Variants in NAV3 observed in about 807,000 individuals in gnomAD.
NAV3 encodes pore membrane and/or filament interacting like protein 1.
NAV3 carries 87 observed loss-of-function variants against 244.7 expected under a neutral mutation model. The observed-to-expected ratio is 0.36, with a 90% CI of 0.30 to 0.42. The LOEUF is 0.42. Among genes scored for constraint, NAV3 ranks in the 20% least tolerant of loss-of-function variants. The pLI is 1.00. For synonymous variants in NAV3, 1,126 were observed against 1,042.2 expected (o/e 1.08, Z -1.55); for missense variants, 2,663 against 2,893.3 (o/e 0.92, Z 1.83).
chr12:78,086,123 T>C lies in NAV3; in HGVS notation c.2636+27008T>C, dbSNP rs147273477. Among the ~76,000 whole-genome samples, 121 of 152,164 alleles carry C rather than the reference T, an allele frequency of 8.0e-4. No homozygotes were observed. The Middle Eastern group carries it at 0.017, about 21-fold the overall frequency. On this transcript the variant is annotated intron_variant, in intron 12 of 39. Coordinates refer to ENST00000397909, the MANE Select transcript of NAV3 (RefSeq NM_001024383.2). ...AACACTGGCGTTTACCCGTGCAGGA[T>C]TGTTGAGAGGATTAAATTAGATTAT...
At chr12:77,654,859 G>A (rs919936723) in intron 2 of NAV3, among the ~76,000 whole-genome samples, 1 of 151,348 alleles carries the variant, frequency 6.6e-6, no homozygotes, top group Non-Finnish European at 1.5e-5. Context: ...GGTCTGGAGT[G>A]GACCTCTAGC....
At chr12:78,193,567 C>T (rs931830489) in intron 34 of NAV3, among the ~76,000 whole-genome samples, 2 of 152,088 alleles carry the variant, frequency 1.3e-5, no homozygotes, top group Non-Finnish European at 2.9e-5. Context: ...ATGCCTGTTT[C>T]CTTCTACCTG....
chr12:78,085,305 C>G (rs1953574859), intron 12 of NAV3, among the ~76,000 whole-genome samples: 1 of 152,108 alleles, frequency 6.6e-6, no homozygotes, highest in Admixed American at 6.5e-5. Context: ...ACTGAAGAAG[C>G]AACCCCTGTT....
At chr12:77,770,289 G>A (rs1299879144) in intron 2 of NAV3, among the ~76,000 whole-genome samples, 1 of 152,190 alleles carries the variant, frequency 6.6e-6, no homozygotes, top group Non-Finnish European at 1.5e-5. Context: ...TGGCAGGATA[G>A]TAGATTGTGA....
intron 2 of NAV3, among the ~76,000 whole-genome samples, chr12:77,616,354 C>T (rs144358292): frequency 0.011 from 1,602 of 151,582 alleles, 11 homozygotes; most frequent in Non-Finnish European, 0.016. Context: ...TGCAGTGAGC[C>T]GAGATCACAC....
intron 5 of NAV3, among the ~76,000 whole-genome samples, chr12:77,973,959 T>C (rs1039360424): frequency 6.0e-5 from 9 of 148,836 alleles, no homozygotes; most frequent in African/African-American, 2.2e-4. Flanking sequence ...TTTTTATCTC[T>C]AGAGAGAAAT....
intron 2 of NAV3, among the ~76,000 whole-genome samples, chr12:77,709,317 C>G (rs142949217): frequency 6.6e-6 from 1 of 152,192 alleles, no homozygotes; most frequent in East Asian, 1.9e-4. Context: ...ATAATAAGAG[C>G]TATTTATGAC....
At chr12:77,938,647 A>G (rs1019385258) in intron 1 of NAV3, among the ~76,000 whole-genome samples, 7 of 152,156 alleles carry the variant, frequency 4.6e-5, no homozygotes, top group Admixed American at 4.6e-4. Context: ...CAAAACACTT[A>G]GCAGCCCCAT....
At chr12:77,955,499 T>A (rs1404906708) in intron 3 of NAV3, among the ~76,000 whole-genome samples, 2 of 152,124 alleles carry the variant, frequency 1.3e-5, no homozygotes, top group African/African-American at 2.4e-5. Flanking sequence ...AAATAACATA[T>A]CTTTGTTACT....
chr12:78,186,998 T>A lies in NAV3; in HGVS notation c.5791-1250T>A, dbSNP rs142011810. ...CATCATGAAAGTCCCACCATTATGATTTCATTTAATCCTAATTACCTCCCA... is the reference window on the plus strand; with the variant it reads ...CATCATGAAAGTCCCACCATTATGAATTCATTTAATCCTAATTACCTCCCA... On this transcript the variant is annotated intron_variant, in intron 31 of 39. Transcript: ENST00000397909. 4.3e-3 allele frequency among the ~76,000 whole-genome samples: 648 copies of A among 151,966 alleles called. 5 individuals carry two copies. Among genetic ancestry groups the A allele is most frequent in the African/African-American group, 0.015 (627 of 41,508 alleles).
chr12:77,792,224 G>A (rs956184411), intron 2 of NAV3, among the ~76,000 whole-genome samples: 1 of 152,060 alleles, frequency 6.6e-6, no homozygotes, highest in African/African-American at 2.4e-5. Context: ...CCTACATGTA[G>A]CAAGTATAAA....
rs1889753861 is a variant in NAV3, at chr12:77,940,386, A to C, written c.311A>C (p.Gln104Pro). Reference protein sequence around the residue: ...SGHKRLIKDLQQDIADGVLLA... With the variant: ...SGHKRLIKDLPQDIADGVLLA... Reference sequence around the variant, plus strand: ...CACAAGCGGCTGATCAAGGACTTGCAACAAGACATTGCAGATGGAGTACTC... The same window carrying C: ...CACAAGCGGCTGATCAAGGACTTGCCACAAGACATTGCAGATGGAGTACTC... The change falls in exon 2 of 40, where the codon CAA becomes CCA. Residue 104 changes from glutamine (Q) to proline (P), a missense_variant. Transcript: ENST00000397909. The C allele has an allele frequency of 6.2e-7, 1 of 1,613,962 alleles. No individual in the cohort carries two copies. The highest frequency in any genetic ancestry group is 8.5e-7 in the Non-Finnish European group (1 of 1,179,848).
At chr12:77,829,190 C>G (rs574039864), upstream of NAV3, among the ~76,000 whole-genome samples, 3 of 152,352 alleles carry the variant, frequency 2.0e-5, no homozygotes, top group East Asian at 3.9e-4. Flanking sequence ...TTGCCCTGAC[C>G]CTGTACCCAT....
chr12:77,994,749 C>T (rs1249794502), intron 5 of NAV3, 54 bp from the exon 6 acceptor site: 6 of 1,415,034 alleles, frequency 4.2e-6, no homozygotes, highest in East Asian at 2.3e-5. Flanking sequence ...TTGTGCTTTC[C>T]TTCCATGTTC....
At chr12:77,901,418 A>G (rs113547544) in intron 1 of NAV3, among the ~76,000 whole-genome samples, 1,566 of 152,194 alleles carry the variant, frequency 0.01, 30 homozygotes, top group African/African-American at 0.035. Context: ...AAAGGTAGGC[A>G]CAGGTTTCAG....
intron 2 of NAV3, among the ~76,000 whole-genome samples, chr12:77,737,596 A>G (rs543447263): frequency 4.3e-4 from 66 of 152,300 alleles, no homozygotes; most frequent in African/African-American, 1.6e-3. Flanking sequence ...CAGGGCAACA[A>G]AAGTCAAAAG....
intron 21 of NAV3, 41 bp downstream of exon 21, chr12:78,146,433 A>T: frequency 1.1e-6 from 1 of 916,636 alleles, no homozygotes. Flanking sequence ...TTTCTATTTT[A>T]GTTTGCATTC....
intron 1 of NAV3, among the ~76,000 whole-genome samples, chr12:77,904,427 A>G (rs1885713658): frequency 6.6e-6 from 1 of 152,142 alleles, no homozygotes; most frequent in Non-Finnish European, 1.5e-5. Flanking sequence ...TCTCACTCAT[A>G]GTTGGGAATT....
chr12:78,172,023 T>A (rs1175269092), intron 24 of NAV3, among the ~76,000 whole-genome samples: 1 of 151,660 alleles, frequency 6.6e-6, no homozygotes, highest in Non-Finnish European at 1.5e-5. Flanking sequence ...ATAGGCATTA[T>A]CAGATCTTAA....
Sources: allele counts gnomAD v4.1 joint callset (sites outside exome capture counted in the v4.1 genomes callset), GRCh38; gene constraint gnomAD v4.1.1; transcripts MANE v1.5; gene names NCBI Gene and HGNC (gene_info 2026-07-23, HGNC 2026-07-21).